SUMF1: variants seen among roughly 807,000 people sequenced by gnomAD.
SUMF1 encodes the protein sulfatase modifying factor 1.
In SUMF1, 48 loss-of-function variants were observed where a neutral mutation model predicts 47.6. That is an observed-to-expected ratio of 1.01 (90% CI 0.80 to 1.28). The LOEUF (loss-of-function observed/expected upper bound fraction) is 1.28. Ranked by LOEUF, SUMF1 falls within the 50% of genes most tolerant of loss-of-function variation. SUMF1 has a pLI of 0.00. For missense variants in SUMF1, 571 were observed against 485.4 expected (o/e 1.18, Z -1.66); for synonymous variants, 230 against 192.1 (o/e 1.20, Z -1.63).
At chr3:4,172,496 A>G (rs1559534324) in intron 8 of SUMF1, among the ~76,000 whole-genome samples, 3 of 152,134 alleles carry the variant, frequency 2.0e-5, no homozygotes, top group Non-Finnish European at 4.4e-5. Context: ...ACTCATTTAA[A>G]TCTTTATAGC....
chr3:4,201,631 T>A (rs1342580538), intron 8 of SUMF1, among the ~76,000 whole-genome samples: 1 of 151,474 alleles, frequency 6.6e-6, no homozygotes, highest in Admixed American at 6.6e-5. Context: ...TTCAATACAC[T>A]GATTTCCTTT....
At chr3:4,195,841 G>T (rs1397696275) in intron 8 of SUMF1, among the ~76,000 whole-genome samples, 1 of 151,836 alleles carries the variant, frequency 6.6e-6, no homozygotes, top group Admixed American at 6.6e-5. Context: ...GAATCCTATA[G>T]CTTTCATCTC....
At chr3:4,275,568 C>T (rs1446934346) in intron 8 of SUMF1, among the ~76,000 whole-genome samples, 3 of 152,144 alleles carry the variant, frequency 2.0e-5, no homozygotes, top group Admixed American at 6.5e-5. Context: ...CATGTCACTC[C>T]TAAACCAATC....
At chr3:4,126,074 G>A (rs773015526) in intron 8 of SUMF1, among the ~76,000 whole-genome samples, 43 of 145,206 alleles carry the variant, frequency 3.0e-4, no homozygotes, top group Non-Finnish European at 5.4e-4. Context: ...GTGCCATGCT[G>A]ATCATTCTCC....
At chr3:4,165,037 G>A (rs1358223323) in intron 8 of SUMF1, among the ~76,000 whole-genome samples, 1 of 152,104 alleles carries the variant, frequency 6.6e-6, no homozygotes, top group Non-Finnish European at 1.5e-5. Context: ...CCCGTGATCT[G>A]AGTCTAGGTC....
chr3:4,042,964 C>G (rs918976989), intron 9 of SUMF1, among the ~76,000 whole-genome samples: 3 of 152,152 alleles, frequency 2.0e-5, no homozygotes, highest in African/African-American at 7.2e-5. Flanking sequence ...CAGAATCATT[C>G]ACTGCCCTTC....
At chr3:4,178,104 C>T (rs1186770313) in intron 8 of SUMF1, among the ~76,000 whole-genome samples, 1 of 152,118 alleles carries the variant, frequency 6.6e-6, no homozygotes, top group Non-Finnish European at 1.5e-5. Flanking sequence ...TGTAATTCTA[C>T]CAGAGGTACA....
At chr3:4,171,434 C>T (rs1398486936) in intron 8 of SUMF1, among the ~76,000 whole-genome samples, 1 of 152,154 alleles carries the variant, frequency 6.6e-6, no homozygotes, top group African/African-American at 2.4e-5. Context: ...GATGTGTTTA[C>T]ATGGGCCAAA....
intron 8 of SUMF1, among the ~76,000 whole-genome samples, chr3:4,287,816 T>A (rs988269212): frequency 1.3e-5 from 2 of 152,226 alleles, no homozygotes; most frequent in Non-Finnish European, 1.5e-5. Flanking sequence ...CATTAGCTAG[T>A]TGTTTGTGCT....
At chr3:4,220,792 C>G (rs1696043854) in intron 8 of SUMF1, among the ~76,000 whole-genome samples, 1 of 152,082 alleles carries the variant, frequency 6.6e-6, no homozygotes, top group African/African-American at 2.4e-5. Context: ...TAGCTTGTAT[C>G]CAAGGTCACT....
At chr3:4,465,639 G>GT (rs2079925265) in intron 1 of SUMF1, among the ~76,000 whole-genome samples, 1 of 151,960 alleles carries the variant, frequency 6.6e-6, no homozygotes, top group Non-Finnish European at 1.5e-5. Flanking sequence ...TGCTCTAAGG[G>GT]TAACAGGAAA....
intron 8 of SUMF1, among the ~76,000 whole-genome samples, chr3:4,177,003 T>C (rs1471788815): frequency 2.6e-5 from 4 of 152,160 alleles, no homozygotes; most frequent in Admixed American, 6.5e-5. Context: ...CCTAAATATA[T>C]ATGCACCCAA....
intron 8 of SUMF1, among the ~76,000 whole-genome samples, chr3:4,166,344 T>C (rs973300990): frequency 6.6e-6 from 1 of 152,110 alleles, no homozygotes; most frequent in Admixed American, 6.5e-5. Context: ...ACACTTCTCA[T>C]CATATGAATA....
intron 9 of SUMF1, among the ~76,000 whole-genome samples, chr3:4,035,051 A>T (rs188890472): frequency 6.6e-6 from 1 of 152,204 alleles, no homozygotes; most frequent in Admixed American, 6.5e-5. Context: ...TAAAGACGTC[A>T]GAAAATCAGT....
intron 8 of SUMF1, among the ~76,000 whole-genome samples, chr3:4,329,712 C>T (rs1699013288): frequency 6.6e-6 from 1 of 152,194 alleles, no homozygotes; most frequent in Admixed American, 6.5e-5. Flanking sequence ...ACACTTGGCT[C>T]CTCATTACTT....
At chr3:4,290,254 T>G (rs1697713430) in intron 8 of SUMF1, among the ~76,000 whole-genome samples, 1 of 147,652 alleles carries the variant, frequency 6.8e-6, no homozygotes, top group Non-Finnish European at 1.5e-5. Flanking sequence ...CGTTATAACT[T>G]GAACATAAAT....
intron 8 of SUMF1, among the ~76,000 whole-genome samples, chr3:4,112,995 C>T (rs575252453): frequency 8.5e-5 from 13 of 152,176 alleles, no homozygotes; most frequent in South Asian, 2.1e-4. Flanking sequence ...TGATCCCATA[C>T]GCACTTATTT....
chr3:4,375,497 A>G (rs1393893791), intron 8 of SUMF1, among the ~76,000 whole-genome samples: 1 of 152,130 alleles, frequency 6.6e-6, no homozygotes, highest in Non-Finnish European at 1.5e-5. Context: ...ACAATGTGGA[A>G]TAAAGTTTGA....
intron 8 of SUMF1, among the ~76,000 whole-genome samples, chr3:4,144,644 C>G (rs17040054): frequency 0.047 from 7,154 of 152,166 alleles, 489 homozygotes; most frequent in East Asian, 0.18. Flanking sequence ...ATCCAATCCA[C>G]TCCAAAACAC....
Sources: allele counts gnomAD v4.1 joint callset (sites outside exome capture counted in the v4.1 genomes callset), GRCh38; gene constraint gnomAD v4.1.1; transcripts MANE v1.5; gene names NCBI Gene and HGNC (gene_info 2026-07-23, HGNC 2026-07-21).